DLGAP1: variants seen among roughly 807,000 people sequenced by gnomAD.
DLGAP1 encodes the protein disks large-associated protein 1.
Under a neutral mutation model 90.8 loss-of-function variants are expected in DLGAP1, and 11 were observed. The observed-to-expected ratio is 0.12, with a 90% confidence interval of 0.08 to 0.20. The LOEUF is 0.20. DLGAP1 is among the 10% of genes least tolerant of loss of function. The probability of loss-of-function intolerance (pLI) is 1.00; values close to 1 mark genes in which losing one functional copy is unlikely to be tolerated. For missense variants in DLGAP1, 1,050 were observed against 1,333.8 expected (o/e 0.79, Z 3.31); for synonymous variants, 558 against 540.7 (o/e 1.03, Z -0.44).
intron 3 of DLGAP1, among the ~76,000 whole-genome samples, chr18:3,998,034 A>C (rs903332012): frequency 1.7e-4 from 26 of 152,076 alleles, no homozygotes; most frequent in Non-Finnish European, 2.9e-4. Flanking sequence ...GGTGGTGTGT[A>C]CCTCCATACA....
rs1273087624 is a variant in DLGAP1, at chr18:3,879,579, T to C, written c.490A>G (p.Asn164Asp). ...SLEGPSKGSVNGGKASPDEAQ... is the reference protein window; with the variant it reads ...SLEGPSKGSVDGGKASPDEAQ... ...TCGTCAGGGCTGGCCTTGCCCCCGT[T>C]GACGCTGCCCTTGGACGGCCCCTCC... is the stretch of plus-strand genomic sequence containing the variant. The change falls in exon 4 of 13, where the codon AAC becomes GAC. Residue 164 changes from asparagine (N) to aspartate (D), a missense_variant. Physicochemically the swap from Asn to Asp is conservative, Grantham distance 23. Coordinates refer to ENST00000315677, the MANE Select transcript of DLGAP1 (RefSeq NM_004746.4). This position sits in a 1 kb window ranked among gnomAD's most constrained non-coding sequence, Gnocchi z 6.6. The C allele has an allele frequency of 1.6e-5, 26 of 1,599,922 alleles. No individual in the cohort carries two copies. Among genetic ancestry groups the C allele is most frequent in the Non-Finnish European group, 2.1e-5 (25 of 1,177,468 alleles).
chr18:4,116,267 ATTTC>A (rs2076062485), intron 2 of DLGAP1, among the ~76,000 whole-genome samples: 1 of 152,084 alleles, frequency 6.6e-6, no homozygotes, highest in African/African-American at 2.4e-5. Flanking sequence ...GTGGTGAGTC[ATTTC>A]TTTCTTGCTG....
chr18:3,852,390 C>T (rs1352199580), intron 4 of DLGAP1, among the ~76,000 whole-genome samples: 2 of 152,092 alleles, frequency 1.3e-5, no homozygotes, highest in Non-Finnish European at 2.9e-5. Context: ...CATAAGATAC[C>T]AAGTTAGAAG....
chr18:3,518,355 G>A (rs972536443), intron 10 of DLGAP1, among the ~76,000 whole-genome samples: 2 of 151,994 alleles, frequency 1.3e-5, no homozygotes, highest in Non-Finnish European at 2.9e-5. Flanking sequence ...GTAACATCAA[G>A]GATCACTGAT....
intron 10 of DLGAP1, among the ~76,000 whole-genome samples, chr18:3,514,613 T>C (rs2050724016): frequency 6.6e-6 from 1 of 152,194 alleles, no homozygotes; most frequent in Non-Finnish European, 1.5e-5. Flanking sequence ...ACCACTACAA[T>C]AAATGAATAT....
chr18:4,430,510 G>GTA (rs1336554092), intron 1 of DLGAP1: 3 of 150,816 alleles, frequency 2.0e-5, no homozygotes, highest in African/African-American at 7.3e-5. Flanking sequence ...GTCTGTGTGT[G>GTA]TGTGTGTGTG....
At chr18:3,950,953 A>G (rs945584898) in intron 3 of DLGAP1, among the ~76,000 whole-genome samples, 1 of 152,244 alleles carries the variant, frequency 6.6e-6, no homozygotes, top group African/African-American at 2.4e-5. Flanking sequence ...AGACTGGAGG[A>G]GAGTCCAAAC....
At position 3,728,300 on chromosome 18, in the gene DLGAP1, TTATATA is replaced by T. The variant is rs200480157; in HGVS notation, c.1591+829_1591+834del. 8.9e-5 allele frequency among the ~76,000 whole-genome samples: 11 copies of T among 123,648 alleles called. No homozygotes were observed. In the South Asian group the frequency reaches 1.0e-3, roughly 12 times the overall value. The allele number at this position is 123,648 out of a possible 152,430, so 81.1% of individuals were successfully genotyped here. A position where few individuals can be genotyped will look rare whatever the true frequency, so the allele number is the denominator to read the frequency against. On this transcript the variant is annotated intron_variant, in intron 7 of 12. Coordinates refer to ENST00000315677, the MANE Select transcript of DLGAP1 (RefSeq NM_004746.4). Reference sequence around the variant, plus strand: ...GGATTTTCTTTTTGGAACGCAAATGTTATATATATATATATATATATATATATACAT... The same window carrying T: ...GGATTTTCTTTTTGGAACGCAAATGTTATATATATATATATATATATACAT...
intron 5 of DLGAP1, among the ~76,000 whole-genome samples, chr18:3,770,590 T>G (rs1454228921): frequency 6.6e-6 from 1 of 152,218 alleles, no homozygotes; most frequent in African/African-American, 2.4e-5. Flanking sequence ...CTCTGAAATT[T>G]ATACTTAGAG....
At chr18:4,334,592 A>G (rs912726435) in intron 1 of DLGAP1, among the ~76,000 whole-genome samples, 1 of 151,872 alleles carries the variant, frequency 6.6e-6, no homozygotes, top group African/African-American at 2.4e-5. Flanking sequence ...GTCTTCAGCA[A>G]CTACATGTCA....
intron 5 of DLGAP1, among the ~76,000 whole-genome samples, chr18:3,802,632 T>C (rs1413904409): frequency 6.6e-6 from 1 of 152,236 alleles, no homozygotes; most frequent in East Asian, 1.9e-4. Flanking sequence ...AATATAGCAC[T>C]TTTAGTTAGC....
intron 4 of DLGAP1, among the ~76,000 whole-genome samples, chr18:3,818,827 C>G (rs976069682): frequency 6.6e-6 from 1 of 151,490 alleles, no homozygotes; most frequent in African/African-American, 2.4e-5. Context: ...AACTCCTGAC[C>G]TCATGATCTG....
chr18:4,094,494 T>C (rs1249635029), intron 2 of DLGAP1, among the ~76,000 whole-genome samples: 1 of 152,120 alleles, frequency 6.6e-6, no homozygotes, highest in Admixed American at 6.5e-5. Flanking sequence ...ATATCATGTA[T>C]ATTGTTTTCT....
intron 7 of DLGAP1, among the ~76,000 whole-genome samples, chr18:3,725,927 T>C (rs1479607665): frequency 1.3e-5 from 2 of 152,240 alleles, no homozygotes; most frequent in Non-Finnish European, 2.9e-5. Flanking sequence ...GATTTCATTT[T>C]ATGAATACGA....
rs191295585 is a variant in DLGAP1 at position 3,884,290 on chromosome 18, G to A, written c.-72-4150C>T. On this transcript the variant is annotated intron_variant, in intron 3 of 12. Coordinates refer to ENST00000315677, the MANE Select transcript of DLGAP1 (RefSeq NM_004746.4). ...AGGACATTTTTGCCTTTCAAATACA[G>A]ACTTATAAAAAGCAAAAACAAGATT... Among the ~76,000 whole-genome samples the A allele has an allele frequency of 1.7e-3, 253 of 152,220 alleles. 3 individuals carry two copies. The highest frequency in any genetic ancestry group is 4.8e-3 in the Admixed American group (74 of 15,298).
Position 3,498,303 on chromosome 18 carries a change from A to T in DLGAP1, c.*882T>A, listed in dbSNP as rs1312101485. On this transcript the variant is annotated 3_prime_UTR_variant, in exon 13 of 13. Transcript: ENST00000315677. Reference sequence around the variant, plus strand: ...CAACAATATAAATATACACAGTACAATAAGAGTTGAGAAAACATTTCAGGT... The same window carrying T: ...CAACAATATAAATATACACAGTACATTAAGAGTTGAGAAAACATTTCAGGT... 1 of 152,224 alleles carries T rather than the reference A, an allele frequency of 6.6e-6. No individual in the cohort carries two copies. The highest frequency in any genetic ancestry group is 2.4e-5 in the African/African-American group (1 of 41,456). 9.4% of individuals were successfully genotyped at this position (152,224 alleles called of 1,614,324 possible). A position where few individuals can be genotyped will look rare whatever the true frequency, so the allele number is the denominator to read the frequency against.
chr18:4,447,281 T>C (rs141761014), intron 1 of DLGAP1, among the ~76,000 whole-genome samples: 6 of 152,322 alleles, frequency 3.9e-5, no homozygotes, highest in African/African-American at 1.4e-4. Flanking sequence ...TTTATCATGA[T>C]ACAGTTCTAC....
intron 7 of DLGAP1, among the ~76,000 whole-genome samples, chr18:3,583,148 ACCT>A (rs1379542594): frequency 8.7e-5 from 7 of 80,556 alleles, no homozygotes; most frequent in Admixed American, 5.9e-4. Context: ...TGACCGACCT[ACCT>A]ACCTACCTAC....
At chr18:4,031,246 C>G (rs1482775356) in intron 2 of DLGAP1, among the ~76,000 whole-genome samples, 2 of 151,570 alleles carry the variant, frequency 1.3e-5, no homozygotes, top group Admixed American at 1.3e-4. Flanking sequence ...ATGTGTTGAG[C>G]AAAGTCTGGT....
Sources: allele counts gnomAD v4.1 joint callset (sites outside exome capture counted in the v4.1 genomes callset), GRCh38; gene constraint gnomAD v4.1.1; non-coding constraint Gnocchi (gnomAD v3.1); transcripts MANE v1.5; gene names NCBI Gene and HGNC (gene_info 2026-07-23, HGNC 2026-07-21).